AS3MT: variants seen among roughly 807,000 people sequenced by gnomAD.
AS3MT encodes S-adenosyl-L-methionine:arsenic(III) methyltransferase.
Under a neutral mutation model 45.3 loss-of-function variants are expected in AS3MT, and 47 were observed. The observed-to-expected ratio is 1.04, with a 90% CI of 0.82 to 1.32. The LOEUF (loss-of-function observed/expected upper bound fraction) is 1.32, where lower values mean the gene tolerates loss of function less well. Ranked by LOEUF, AS3MT falls within the 40% of genes most tolerant of loss-of-function variation. The pLI is 0.00. For missense variants in AS3MT, 396 were observed against 451.1 expected, an observed-to-expected ratio of 0.88 and a Z score of 1.11; for synonymous variants, 141 against 152.8, an observed-to-expected ratio of 0.92 and a Z score of 0.57.
At chr10:102,869,673 C>T in intron 1 of AS3MT, 80 bp downstream of exon 1, 1 of 1,602,078 alleles carries the variant, frequency 6.2e-7, no homozygotes, top group Non-Finnish European at 8.5e-7. Context: ...GCGAGCGCCT[C>T]CCCCGAGCTG....
intron 10 of AS3MT, among the ~76,000 whole-genome samples, chr10:102,891,631 G>C (rs1407558532): frequency 6.6e-6 from 1 of 152,098 alleles, no homozygotes; most frequent in African/African-American, 2.4e-5. Context: ...ACATAAATTG[G>C]CCTTACTATA....
At chr10:102,884,492 G>A (rs1391503868) in intron 9 of AS3MT, among the ~76,000 whole-genome samples, 1 of 145,836 alleles carries the variant, frequency 6.9e-6, no homozygotes, top group Non-Finnish European at 1.5e-5. Flanking sequence ...ATAATCTAGC[G>A]AGGTTATGCA....
rs899491110 is a variant in AS3MT at position 102,896,332 on chromosome 10, CA to C, written c.1021-4243del. On this transcript the variant is annotated intron_variant, in intron 10 of 10. Coordinates refer to ENST00000369880, the MANE Select transcript of AS3MT (RefSeq NM_020682.4). ...TGGGCGACAGAGCAAGACCCTGCCTCAAAAAAAAAAAAAAAAAAGCACAAAG... is the reference window on the plus strand; with the variant it reads ...TGGGCGACAGAGCAAGACCCTGCCTCAAAAAAAAAAAAAAAAAGCACAAAG... Among the ~76,000 whole-genome samples, 287 of 63,352 alleles carry C rather than the reference CA, an allele frequency of 4.5e-3. 3 individuals are homozygous for C. The highest frequency in any genetic ancestry group is 0.034 in the East Asian group (97 of 2,880). 41.6% of individuals were successfully genotyped at this position (63,352 alleles called of 152,430 possible).
chr10:102,891,898 AAGACTGCAC>A (rs1156403576), intron 10 of AS3MT, among the ~76,000 whole-genome samples: 3 of 146,302 alleles, frequency 2.1e-5, no homozygotes, highest in Non-Finnish European at 4.5e-5. Flanking sequence ...GCAATGAGCC[AAGACTGCAC>A]CACTGCACTC....
At chr10:102,875,314 T>G (rs768069916) in intron 6 of AS3MT, among the ~76,000 whole-genome samples, 23 of 151,834 alleles carry the variant, frequency 1.5e-4, no homozygotes, top group Non-Finnish European at 2.9e-4. Flanking sequence ...CTGTCTCTAC[T>G]AAAAATACAA....
rs777704958 is a variant in AS3MT, at chr10:102,877,072, G to C, written c.610+37G>C. 8.2e-6 allele frequency: 13 copies of C among 1,577,558 alleles called. No individual in the cohort carries two copies. In the African/African-American group the frequency reaches 1.6e-4, roughly 20 times the overall value. On this transcript the variant is annotated intron_variant, in intron 7 of 10. Transcript: ENST00000369880. Reference sequence around the variant, plus strand: ...TGTTTAGTTTAGTATTAAGGCAGATGGTTGTACATGTGCAGAACTCCTTTC... The same window carrying C: ...TGTTTAGTTTAGTATTAAGGCAGATCGTTGTACATGTGCAGAACTCCTTTC...
chr10:102,896,058 G>A (rs1008312092), intron 10 of AS3MT, among the ~76,000 whole-genome samples: 2 of 151,684 alleles, frequency 1.3e-5, no homozygotes, highest in African/African-American at 2.4e-5. Flanking sequence ...TTACAGGCAT[G>A]AGCCACCGTG....
chr10:102,876,822 G>C (rs1159082377), intron 6 of AS3MT, 132 bp from the exon 7 acceptor site: 6 of 876,178 alleles, frequency 6.8e-6, no homozygotes, highest in Non-Finnish European at 1.1e-5. Context: ...GCTGCTATTT[G>C]TTCACAAAGG....
chr10:102,876,529 C>T (rs1018622429), intron 6 of AS3MT, among the ~76,000 whole-genome samples: 5 of 152,092 alleles, frequency 3.3e-5, no homozygotes, highest in African/African-American at 1.2e-4. Context: ...CCTCCCACTT[C>T]GGCCTCCTGA....
intron 9 of AS3MT, among the ~76,000 whole-genome samples, chr10:102,882,783 G>A (rs1328475090): frequency 6.6e-6 from 1 of 151,798 alleles, no homozygotes; most frequent in East Asian, 1.9e-4. Context: ...TAGAGACAGG[G>A]TTTCACCATG....
chr10:102,894,328 C>T (rs2134131236), intron 10 of AS3MT, among the ~76,000 whole-genome samples: 1 of 151,946 alleles, frequency 6.6e-6, no homozygotes, highest in Non-Finnish European at 1.5e-5. Flanking sequence ...GAGGCTGAGG[C>T]AGGAGAATTC....
intron 9 of AS3MT, 78 bp downstream of exon 9, chr10:102,879,069 C>A (rs1590221745): frequency 1.4e-6 from 2 of 1,424,480 alleles, no homozygotes; most frequent in East Asian, 4.6e-5. Context: ...CTTGACTTTG[C>A]ATTGCCTCCC....
intron 3 of AS3MT, 118 bp from the exon 4 acceptor site, chr10:102,872,330 G>A: frequency 9.1e-7 from 1 of 1,103,200 alleles, no homozygotes; most frequent in Non-Finnish European, 1.3e-6. Flanking sequence ...AATGATGCAA[G>A]AAAGAAGGAA....
At chr10:102,882,040 C>T (rs923484486) in intron 9 of AS3MT, among the ~76,000 whole-genome samples, 1 of 151,498 alleles carries the variant, frequency 6.6e-6, no homozygotes, top group Non-Finnish European at 1.5e-5. Context: ...CCCGGGTTCA[C>T]GCCATTCTCC....
intron 9 of AS3MT, among the ~76,000 whole-genome samples, chr10:102,880,367 T>C (rs1020203337): frequency 8.5e-5 from 13 of 152,208 alleles, no homozygotes; most frequent in African/African-American, 3.1e-4. Flanking sequence ...CAGAAATACA[T>C]TTTAACTGAT....
chr10:102,888,585 C>A (rs537305727), intron 9 of AS3MT, among the ~76,000 whole-genome samples: 1 of 151,698 alleles, frequency 6.6e-6, no homozygotes, highest in African/African-American at 2.4e-5. Context: ...CCATGCTCAG[C>A]TAATTTTGTA....
chr10:102,879,327 T>C (rs1320667728), intron 9 of AS3MT, among the ~76,000 whole-genome samples: 3 of 152,034 alleles, frequency 2.0e-5, no homozygotes, highest in Non-Finnish European at 4.4e-5. Context: ...TGGCTAATAT[T>C]TGTATTTTTT....
rs920444746 is a variant in AS3MT at position 102,881,391 on chromosome 10, A to G, written c.885+2400A>G. Among the ~76,000 whole-genome samples, 14 of 152,232 alleles carry G rather than the reference A, an allele frequency of 9.2e-5. No homozygotes were observed. The highest frequency in any genetic ancestry group is 7.2e-4 in the Admixed American group (11 of 15,280). On this transcript the variant is annotated intron_variant, in intron 9 of 10. Transcript: ENST00000369880. The surrounding 1 kb of genome is among the most constrained non-coding windows in gnomAD (Gnocchi z 4.2). ...TTATGCTAAATCTCTCTGGTAATTA[A>G]CTAAATAAAAATCATTTTATACTAT...
In AS3MT at chr10:102,890,575, C is replaced by T. The variant is rs34556438; in HGVS notation, c.917C>T (p.Thr306Ile). Reference protein sequence around the residue: ...EGEIVEVDEETAAILKNSRFA... With the variant: ...EGEIVEVDEEIAAILKNSRFA... ...GAAATTGTTGAAGTGGATGAAGAAACAGCAGCTATCTTGAAGAATTCAAGA... is the reference window on the plus strand; with the variant it reads ...GAAATTGTTGAAGTGGATGAAGAAATAGCAGCTATCTTGAAGAATTCAAGA... Residue 306 changes from threonine (T) to isoleucine (I), a missense_variant, in exon 10 of 11, where the codon ACA becomes ATA. Thr to Ile is a moderately conservative substitution (Grantham distance 89). Transcript: ENST00000369880. 473 of 1,604,730 alleles carry T rather than the reference C, an allele frequency of 2.9e-4. No homozygotes were observed. The highest frequency in any genetic ancestry group is 3.7e-4 in the Non-Finnish European group (440 of 1,177,350).
Sources: gnomAD v4.1 joint callset for allele counts (sites outside exome capture counted in the v4.1 genomes callset) on GRCh38, gnomAD v4.1.1 for gene constraint, Gnocchi (gnomAD v3.1) non-coding constraint, MANE v1.5 for transcripts, NCBI Gene and HGNC (gene_info 2026-07-23, HGNC 2026-07-21) for gene names.